Variants in MEMO1 observed in about 807,000 individuals in gnomAD.
MEMO1 encodes protein MEMO1.
Under a neutral mutation model 45.2 loss-of-function variants are expected in MEMO1, and 6 were observed. That is an observed-to-expected ratio of 0.13 (90% CI 0.07 to 0.26). The LOEUF is 0.26. MEMO1 is among the 10% of genes least tolerant of loss of function. MEMO1 has a pLI of 1.00. For synonymous variants in MEMO1, 78 were observed against 124.3 expected (o/e 0.63, Z 2.48); for missense variants, 184 against 370.5 (o/e 0.50, Z 4.13).
At chr2:31,900,042 G>A (rs149559539) in intron 6 of MEMO1, among the ~76,000 whole-genome samples, 5 of 152,356 alleles carry the variant, frequency 3.3e-5, no homozygotes, top group East Asian at 3.9e-4. Flanking sequence ...AGATGCTAGA[G>A]AGGATGTGGA....
At position 31,918,803 on chromosome 2, in the gene MEMO1, T is replaced by A. The variant is rs562415923; in HGVS notation, c.326-766A>T. 1.0e-3 allele frequency among the ~76,000 whole-genome samples: 152 copies of A among 152,250 alleles called. 2 individuals are homozygous for A. The highest frequency in any genetic ancestry group is 6.0e-3 in the Admixed American group (91 of 15,286). On this transcript the variant is annotated intron_variant, in intron 5 of 9. Coordinates refer to ENST00000404530, the MANE Select transcript of MEMO1 (RefSeq NM_001301833.4). Reference sequence around the variant, plus strand: ...GAATAGAACCAATTTTATAATTAGATCCTTAAATGGGTTTACCTGTATCAA... The same window carrying A: ...GAATAGAACCAATTTTATAATTAGAACCTTAAATGGGTTTACCTGTATCAA...
At chr2:31,996,525 C>T (rs1672640831) in intron 2 of MEMO1, among the ~76,000 whole-genome samples, 1 of 151,628 alleles carries the variant, frequency 6.6e-6, no homozygotes, top group African/African-American at 2.4e-5. Flanking sequence ...GCCTGGGCAA[C>T]AGAGTGACAC....
intron 2 of MEMO1, among the ~76,000 whole-genome samples, chr2:31,949,794 G>C (rs1229377133): frequency 6.6e-6 from 1 of 152,054 alleles, no homozygotes; most frequent in Non-Finnish European, 1.5e-5. Flanking sequence ...AATGATTGAG[G>C]GGATGGATAC....
chr2:31,999,882 ATTT>A (rs5830219), intron 2 of MEMO1, among the ~76,000 whole-genome samples: 16 of 123,078 alleles, frequency 1.3e-4, no homozygotes, highest in African/African-American at 2.8e-4. Flanking sequence ...TGCATCAGGC[ATTT>A]TTTTTTTTTT....
intron 4 of MEMO1, among the ~76,000 whole-genome samples, chr2:31,931,227 CTT>C: frequency 6.6e-6 from 1 of 152,214 alleles, no homozygotes; most frequent in South Asian, 2.1e-4. Flanking sequence ...TGTTTTAAAA[CTT>C]TGAATGAACT....
At chr2:31,923,378 T>C (rs539657612) in intron 4 of MEMO1, 353 of 264,310 alleles carry the variant, frequency 1.3e-3, no homozygotes, top group Middle Eastern at 5.4e-3. Context: ...CTCTCTTCCT[T>C]CAATATGTAA....
At chr2:31,989,671 T>A (rs1163133137) in intron 2 of MEMO1, among the ~76,000 whole-genome samples, 1 of 152,220 alleles carries the variant, frequency 6.6e-6, no homozygotes, top group Non-Finnish European at 1.5e-5. Flanking sequence ...AAAAGGTACA[T>A]CTTGATTGTG....
intron 2 of MEMO1, among the ~76,000 whole-genome samples, chr2:31,955,928 G>T (rs1404058026): frequency 6.6e-6 from 1 of 151,956 alleles, no homozygotes; most frequent in East Asian, 1.9e-4. Context: ...ATTTCAAAAC[G>T]CCCCAATATT....
At chr2:31,891,358 A>C (rs946041753) in intron 7 of MEMO1, among the ~76,000 whole-genome samples, 2 of 152,172 alleles carry the variant, frequency 1.3e-5, no homozygotes, top group African/African-American at 4.8e-5. Flanking sequence ...AGGCATCCAC[A>C]AACAGCTCAC....
At chr2:31,893,867 G>A (rs564125007) in intron 6 of MEMO1, among the ~76,000 whole-genome samples, 1 of 152,244 alleles carries the variant, frequency 6.6e-6, no homozygotes, top group African/African-American at 2.4e-5. Flanking sequence ...CTGTAAGGAG[G>A]TATAAAATTC....
intron 3 of MEMO1, among the ~76,000 whole-genome samples, chr2:31,933,343 AAAAAAATT>A (rs1558514182): frequency 1.3e-4 from 6 of 45,228 alleles, no homozygotes; most frequent in African/African-American, 4.8e-4. Flanking sequence ...AAAAAAAAAA[AAAAAAATT>A]TATATATATA....
At chr2:31,878,032 A>C (rs927263068) in intron 8 of MEMO1, among the ~76,000 whole-genome samples, 5 of 152,204 alleles carry the variant, frequency 3.3e-5, no homozygotes, top group African/African-American at 1.2e-4. Flanking sequence ...TTAGAAGAAA[A>C]AGTGGAACAG....
chr2:31,885,433 C>T (rs919408389), intron 7 of MEMO1, among the ~76,000 whole-genome samples: 1 of 152,168 alleles, frequency 6.6e-6, no homozygotes, highest in Non-Finnish European at 1.5e-5. Flanking sequence ...CACTATTTTT[C>T]TCATTGCCAG....
intron 5 of MEMO1, among the ~76,000 whole-genome samples, chr2:31,918,988 T>C (rs1233177762): frequency 6.6e-6 from 1 of 152,148 alleles, no homozygotes; most frequent in Non-Finnish European, 1.5e-5. Flanking sequence ...TTAGAAATAC[T>C]CATTTCATTA....
intron 4 of MEMO1, among the ~76,000 whole-genome samples, chr2:31,922,379 T>A (rs1230473869): frequency 6.6e-6 from 1 of 151,362 alleles, no homozygotes; most frequent in Admixed American, 6.6e-5. Context: ...GGGTAAGTGA[T>A]TCTCAGTTTA....
intron 6 of MEMO1, among the ~76,000 whole-genome samples, chr2:31,916,481 C>T (rs1046385133): frequency 3.9e-5 from 6 of 152,156 alleles, no homozygotes; most frequent in African/African-American, 9.7e-5. Flanking sequence ...TGCCCACCTC[C>T]GCCTCCCAAA....
chr2:31,895,350 A>G (rs1677603251), intron 6 of MEMO1, among the ~76,000 whole-genome samples: 1 of 152,216 alleles, frequency 6.6e-6, no homozygotes, highest in Non-Finnish European at 1.5e-5. Context: ...GTTATTATAT[A>G]TTCAAAGAAC....
chr2:31,882,534 TC>T (rs956957874), intron 8 of MEMO1, among the ~76,000 whole-genome samples: 33 of 152,030 alleles, frequency 2.2e-4, no homozygotes, highest in African/African-American at 7.5e-4. Flanking sequence ...AAAAAGTAGT[TC>T]CAAAATAAAT....
rs1308261544 is a variant in MEMO1 at position 31,881,037 on chromosome 2, AAAAG to A, written c.657+2345_657+2348del. ...AGACACTGTCTCACAAAAAAATAAAAAAAGAAAGAAAAGAAGGAAAAGAAAAAAT... is the reference window on the plus strand; with the variant it reads ...AGACACTGTCTCACAAAAAAATAAAAAAAGAAAAGAAGGAAAAGAAAAAAT... On this transcript the variant is annotated intron_variant, in intron 8 of 9. Coordinates refer to ENST00000404530, the MANE Select transcript of MEMO1 (RefSeq NM_001301833.4). Among the ~76,000 whole-genome samples, 11 of 152,130 alleles carry A rather than the reference AAAAG, an allele frequency of 7.2e-5. No homozygotes were observed. The East Asian group carries it at 1.4e-3, about 19-fold the overall frequency.
Sources: allele counts gnomAD v4.1 joint callset (sites outside exome capture counted in the v4.1 genomes callset), GRCh38; gene constraint gnomAD v4.1.1; transcripts MANE v1.5; gene names NCBI Gene and HGNC (gene_info 2026-07-23, HGNC 2026-07-21).